The following SRSF3 variants were observed in gnomAD, a reference collection of about 807,000 sequenced individuals.
SRSF3 encodes the protein serine and arginine rich splicing factor 3, also known as serine/arginine-rich splicing factor 3.
For missense variants in SRSF3, 58 were observed against 217.1 expected (o/e 0.27, Z 4.61); for synonymous variants, 87 against 73.6 (o/e 1.18, Z -0.93).
chr6:36,597,016 T>TA, intron 2 of SRSF3, 48 bp downstream of exon 2: 1 of 1,579,284 alleles, frequency 6.3e-7, no homozygotes, highest in Middle Eastern at 1.7e-4. Flanking sequence ...GTGTTTTTCA[T>TA]ATTTAAAATC....
chr6:36,599,546 C>T (rs1230436812), intron 3 of SRSF3: 35 of 234,914 alleles, frequency 1.5e-4, no homozygotes, highest in Non-Finnish European at 3.5e-5. Context: ...ATTCTTGGAC[C>T]AGGCAGTATT....
In SRSF3 at chr6:36,604,940, G is replaced by A. The variant is rs567239234; in HGVS notation, c.*2951G>A. The A allele has an allele frequency of 6.6e-6, 1 of 152,106 alleles. No individual in the cohort carries two copies. The highest frequency in any genetic ancestry group is 2.4e-5 in the African/African-American group (1 of 41,420). 9.4% of individuals were successfully genotyped at this position (152,106 alleles called of 1,614,324 possible). On this transcript the variant is annotated 3_prime_UTR_variant, in exon 6 of 6. Transcript: ENST00000373715. ...ATTTAGTTGTCATACCTAGTTGGTG[G>A]TAATTTCTTAGTTGTATATTTTTGT...
chr6:36,597,853 A>T (rs1011578689), intron 2 of SRSF3, among the ~76,000 whole-genome samples: 1 of 150,280 alleles, frequency 6.7e-6, no homozygotes, highest in African/African-American at 2.5e-5. Context: ...TTTTTAAAAA[A>T]ATGTATATTT....
At chr6:36,601,601 C>A in intron 4 of SRSF3, 107 bp from the exon 5 acceptor site, 1 of 1,105,744 alleles carries the variant, frequency 9.0e-7, no homozygotes, top group Non-Finnish European at 1.3e-6. Flanking sequence ...GCCTCTGCCT[C>A]CCAAAATATT....
rs1207415289 is a variant in SRSF3 at position 36,604,214 on chromosome 6, G to A, written c.*2225G>A. ...GAAAGGAATCACAAAACTGAACTTA[G>A]ACCTGTGGTTTAAGGATCAAGGTGT... is the stretch of plus-strand genomic sequence containing the variant. On this transcript the variant is annotated 3_prime_UTR_variant, in exon 6 of 6. Coordinates refer to ENST00000373715, the MANE Select transcript of SRSF3 (RefSeq NM_003017.5). 3 of 220,460 alleles carry A rather than the reference G, an allele frequency of 1.4e-5. No individual in the cohort carries two copies. The highest frequency in any genetic ancestry group is 4.5e-5 in the African/African-American group (2 of 44,744). The allele number at this position is 220,460 out of a possible 1,614,324, so 13.7% of individuals were successfully genotyped here.
intron 1 of SRSF3, among the ~76,000 whole-genome samples, chr6:36,596,083 C>T (rs1020797290): frequency 2.0e-5 from 3 of 151,926 alleles, no homozygotes; most frequent in Admixed American, 6.6e-5. Context: ...CGCCACCATG[C>T]CCGGCTAATT....
chr6:36,596,971 GA>G lies in SRSF3; in HGVS notation c.206+4del, dbSNP rs1313024596. 6.2e-7 allele frequency: 1 copy of G among 1,613,128 alleles called. No individual in the cohort carries two copies. Among genetic ancestry groups the G allele is most frequent in the East Asian group, 2.2e-5 (1 of 44,868 alleles). ...GCAGTCCGAGAGCTAGATGGAAGGT[GA>G]TTTAATGATTACGCTGATAAAAATG... On this transcript the variant is annotated splice_donor_region_variant and intron_variant, in intron 2 of 5. Coordinates refer to ENST00000373715, the MANE Select transcript of SRSF3 (RefSeq NM_003017.5).
rs1175608728 is a variant in SRSF3, at chr6:36,601,711, C to T, written c.384C>T (p.Ser128=). The T allele has an allele frequency of 4.4e-6, 7 of 1,598,548 alleles. No individual in the cohort carries two copies. In the Admixed American group the frequency reaches 1.2e-4, roughly 27 times the overall value. Residue 128 remains serine (S), a synonymous_variant, in exon 5 of 6, where the codon TCC becomes TCT. Transcript: ENST00000373715. ...RRSFSRSRSR[S]LSRDRRRERS... Reference sequence around the variant, plus strand: ...TAATGTTTTTTTGCTTGTTTAGGTCCCTTTCTAGAGATAGGAGAAGAGAGA... The same window carrying T: ...TAATGTTTTTTTGCTTGTTTAGGTCTCTTTCTAGAGATAGGAGAAGAGAGA...
chr6:36,601,435 C>T lies in SRSF3; in HGVS notation c.380+245C>T, dbSNP rs1391311060. On this transcript the variant is annotated intron_variant, in intron 4 of 5. Coordinates refer to ENST00000373715, the MANE Select transcript of SRSF3 (RefSeq NM_003017.5). ...GATTATAGCTCACTGTAGCCTTTAA[C>T]TCCTGGCCTTGGAGTGATCCTCCCT... 2.4e-5 allele frequency: 14 copies of T among 576,780 alleles called. No individual in the cohort carries two copies. In the East Asian group the frequency reaches 3.9e-4, roughly 16 times the overall value. The allele number at this position is 576,780 out of a possible 1,614,324, so 35.7% of individuals were successfully genotyped here. A position where few individuals can be genotyped will look rare whatever the true frequency, so the allele number is the denominator to read the frequency against.
intron 1 of SRSF3, among the ~76,000 whole-genome samples, chr6:36,595,964 G>A (rs1778620593): frequency 6.6e-6 from 1 of 151,588 alleles, no homozygotes; most frequent in African/African-American, 2.4e-5. Flanking sequence ...TCGCTCTGTC[G>A]CCGAGGCTGG....
chr6:36,598,615 C>T (rs1778669923), intron 2 of SRSF3: 2 of 440,794 alleles, frequency 4.5e-6, no homozygotes, highest in Non-Finnish European at 8.1e-6. Flanking sequence ...AACTCTTGAC[C>T]TTGTGATCCG....
rs1382658922 is a variant in SRSF3 at position 36,605,271 on chromosome 6, C to T, written c.*3282C>T. On this transcript the variant is annotated 3_prime_UTR_variant, in exon 6 of 6. Coordinates refer to ENST00000373715, the MANE Select transcript of SRSF3 (RefSeq NM_003017.5). The stretch of plus-strand genomic sequence containing the variant: ...TTGGGAGGTTGAGGCAGGTGGATCA[C>T]TTGTGGTCAGGAGTTGGAGACCAGC... 1 of 152,122 alleles carries T rather than the reference C, an allele frequency of 6.6e-6. No individual in the cohort carries two copies. Among genetic ancestry groups the T allele is most frequent in the East Asian group, 1.9e-4 (1 of 5,190 alleles). 9.4% of individuals were successfully genotyped at this position (152,122 alleles called of 1,614,324 possible). A position where few individuals can be genotyped will look rare whatever the true frequency, so the allele number is the denominator to read the frequency against.
chr6:36,601,523 T>G (rs1286037601), intron 4 of SRSF3, 185 bp from the exon 5 acceptor site: 2 of 609,680 alleles, frequency 3.3e-6, no homozygotes, highest in Non-Finnish European at 5.7e-6. Context: ...AATTTATTTT[T>G]TGTGGAGATG....
rs1778794642 is a variant in SRSF3, at chr6:36,605,547, G to A, written c.*3558G>A. 6.6e-6 allele frequency: 1 copy of A among 151,504 alleles called. No individual in the cohort carries two copies. Among genetic ancestry groups the A allele is most frequent in the Admixed American group, 6.6e-5 (1 of 15,220 alleles). 9.4% of individuals were successfully genotyped at this position (151,504 alleles called of 1,614,324 possible). On this transcript the variant is annotated 3_prime_UTR_variant, in exon 6 of 6. Coordinates refer to ENST00000373715, the MANE Select transcript of SRSF3 (RefSeq NM_003017.5). ...AGTATAATTGATTAGTTTTGTCCAT[G>A]CAACTTTCCCCTTGTTGGACTCTGT...
chr6:36,604,263 T>A lies in SRSF3; in HGVS notation c.*2274T>A, dbSNP rs1283103660. On this transcript the variant is annotated 3_prime_UTR_variant, in exon 6 of 6. Transcript: ENST00000373715. The stretch of plus-strand genomic sequence containing the variant: ...GTTCACTAGAAGTCACTGTTACTAA[T>A]ACTTGATGACAATGTAAAGAAACAT... 1 of 215,500 alleles carries A rather than the reference T, an allele frequency of 4.6e-6. No individual in the cohort carries two copies. The highest frequency in any genetic ancestry group is 9.4e-6 in the Non-Finnish European group (1 of 106,824). 13.3% of individuals were successfully genotyped at this position (215,500 alleles called of 1,614,324 possible).
At position 36,595,176 on chromosome 6, in the gene SRSF3, C is replaced by T. The variant is rs114477771; in HGVS notation, c.-3+695C>T. ...AAGAACGTGGTGTTTATGGAAAGCA[C>T]TTCAGCTGAATTATTGAGTAGATGG... On this transcript the variant is annotated intron_variant, in intron 1 of 5. Transcript: ENST00000373715. 8.9e-3 allele frequency among the ~76,000 whole-genome samples: 1,350 copies of T among 152,280 alleles called. 22 individuals carry two copies. Among genetic ancestry groups the T allele is most frequent in the African/African-American group, 0.031 (1,280 of 41,552 alleles).
At chr6:36,594,700 G>C (rs1778595706) in intron 1 of SRSF3, 1 of 152,166 alleles carries the variant, frequency 6.6e-6, no homozygotes, top group East Asian at 1.9e-4. Flanking sequence ...CCAGGATGGG[G>C]GTTACCTGGG....
chr6:36,600,982 TTTTTC>T (rs1406038758), intron 3 of SRSF3, 165 bp from the exon 4 acceptor site: 3 of 508,744 alleles, frequency 5.9e-6, no homozygotes, highest in East Asian at 3.8e-5. Context: ...CTGTGCCTTT[TTTTTC>T]TTTTCTTTTT....
chr6:36,599,197 A>G (rs1290261993), intron 3 of SRSF3, among the ~76,000 whole-genome samples: 2 of 152,086 alleles, frequency 1.3e-5, no homozygotes, highest in Non-Finnish European at 2.9e-5. Flanking sequence ...AGTAACTTCT[A>G]TCTTGGATCT....
Sources: gnomAD v4.1 joint callset for allele counts (sites outside exome capture counted in the v4.1 genomes callset) on GRCh38, gnomAD v4.1.1 for gene constraint, MANE v1.5 for transcripts, NCBI Gene and HGNC (gene_info 2026-07-23, HGNC 2026-07-21) for gene names.